Variants in LSM8 observed in about 807,000 individuals in gnomAD.
The protein encoded by LSM8 is LSM8 U6 small nuclear RNA associated.
LSM8 carries 14 observed loss-of-function variants against 15.0 expected under a neutral mutation model. That is an observed-to-expected ratio of 0.93 (90% CI 0.62 to 1.46). The LOEUF (loss-of-function observed/expected upper bound fraction) is 1.46, where lower values mean the gene tolerates loss of function less well. LSM8 is among the 40% of genes most tolerant of loss of function. LSM8 has a pLI of 0.00. For synonymous variants in LSM8, 50 were observed against 42.1 expected (o/e 1.19, Z -0.73); for missense variants, 90 against 115.4 (o/e 0.78, Z 1.01).
Position 118,184,976 on chromosome 7 carries a change from T to A in LSM8, c.32-678T>A, listed in dbSNP as rs147301899. ...TTTACTTTTGAATTACAGAAGCCTG[T>A]CCTGGAAGACAGTTTTTTAACATGC... is the stretch of plus-strand genomic sequence containing the variant. On this transcript the variant is annotated intron_variant, in intron 1 of 3. Coordinates refer to ENST00000249299, the MANE Select transcript of LSM8 (RefSeq NM_016200.5). 2.0e-5 allele frequency: 3 copies of A among 152,334 alleles called. No individual in the cohort carries two copies. In the East Asian group the frequency reaches 5.8e-4, roughly 29 times the overall value. The allele number at this position is 152,334 out of a possible 1,614,324, so 9.4% of individuals were successfully genotyped here.
Position 118,200,039 on chromosome 7 carries a change from C to G in LSM8, c.*8037C>G, listed in dbSNP as rs1026136775. 1.3e-5 allele frequency among the ~76,000 whole-genome samples: 2 copies of G among 152,038 alleles called. No homozygotes were observed. Among genetic ancestry groups the G allele is most frequent in the African/African-American group, 2.4e-5 (1 of 41,418 alleles). On this transcript the variant is annotated 3_prime_UTR_variant, in exon 4 of 4. Coordinates refer to ENST00000249299, the MANE Select transcript of LSM8 (RefSeq NM_016200.5). ...TTAGAGAACTAATGACTAGCCATAC[C>G]GAAGACATTTATCTGGAAATGCCTT...
In LSM8 at chr7:118,193,867, C is replaced by G. The variant is rs1809030810; in HGVS notation, c.*1865C>G. ...AAACAAATAAAAACCAGTCCTGTCC[C>G]TCATGATAATGGGTTTCTAATGTGA... On this transcript the variant is annotated 3_prime_UTR_variant, in exon 4 of 4. Coordinates refer to ENST00000249299, the MANE Select transcript of LSM8 (RefSeq NM_016200.5). Among the ~76,000 whole-genome samples, 1 of 152,080 alleles carries G rather than the reference C, an allele frequency of 6.6e-6. No homozygotes were observed. Among genetic ancestry groups the G allele is most frequent in the African/African-American group, 2.4e-5 (1 of 41,444 alleles).
rs1809157434 is a variant in LSM8 at position 118,200,631 on chromosome 7, ACAAG to A, written c.*8633_*8636del. On this transcript the variant is annotated 3_prime_UTR_variant, in exon 4 of 4. Transcript: ENST00000249299. ...ATTATTAATGATTCTTCCATAATAA[ACAAG>A]CAAACTGTCATACTTGTTGACTTAT... Among the ~76,000 whole-genome samples, 1 of 152,140 alleles carries A rather than the reference ACAAG, an allele frequency of 6.6e-6. No homozygotes were observed. Among genetic ancestry groups the A allele is most frequent in the African/African-American group, 2.4e-5 (1 of 41,444 alleles).
At chr7:118,185,919 CT>C (rs5886890) in intron 2 of LSM8, among the ~76,000 whole-genome samples, 1,814 of 152,274 alleles carry the variant, frequency 0.012, 21 homozygotes, top group African/African-American at 0.032. Context: ...AGATTCTGCC[CT>C]CAGAGAGCTC....
At position 118,192,679 on chromosome 7, in the gene LSM8, AC is replaced by A. The variant is rs1433759342; in HGVS notation, c.*678del. The A allele has an allele frequency of 1.3e-5, 2 of 152,150 alleles. No homozygotes were observed. The highest frequency in any genetic ancestry group is 4.8e-5 in the African/African-American group (2 of 41,450). 9.4% of individuals were successfully genotyped at this position (152,150 alleles called of 1,614,324 possible). A position where few individuals can be genotyped will look rare whatever the true frequency, so the allele number is the denominator to read the frequency against. Reference sequence around the variant, plus strand: ...TTGGTTAGGTATGAAAGTAATATGAACACATTAATGTTGAATTTTACAGACA... The same window carrying A: ...TTGGTTAGGTATGAAAGTAATATGAAACATTAATGTTGAATTTTACAGACA... On this transcript the variant is annotated 3_prime_UTR_variant, in exon 4 of 4. Transcript: ENST00000249299.
chr7:118,193,904 A>C lies in LSM8; in HGVS notation c.*1902A>C, dbSNP rs1000218936. 1.3e-5 allele frequency among the ~76,000 whole-genome samples: 2 copies of C among 152,126 alleles called. No homozygotes were observed. The highest frequency in any genetic ancestry group is 4.8e-5 in the African/African-American group (2 of 41,464). On this transcript the variant is annotated 3_prime_UTR_variant, in exon 4 of 4. Transcript: ENST00000249299. ...GGTTTCTAATGTGATGTATTCTTGCAATCTGAAACACCTTATAAAGCTGTA... is the reference window on the plus strand; with the variant it reads ...GGTTTCTAATGTGATGTATTCTTGCCATCTGAAACACCTTATAAAGCTGTA...
At chr7:118,184,827 G>T (rs1390814828) in intron 1 of LSM8, 2 of 152,210 alleles carry the variant, frequency 1.3e-5, no homozygotes, top group African/African-American at 4.8e-5. Context: ...AAGTGTTACC[G>T]TTTTAAAGTC....
At position 118,200,461 on chromosome 7, in the gene LSM8, A is replaced by G. The variant is rs905486967; in HGVS notation, c.*8459A>G. On this transcript the variant is annotated 3_prime_UTR_variant, in exon 4 of 4. Transcript: ENST00000249299. ...GACATCTTTCGGATCTGGAATCTTA[A>G]TTACCATTAGGTTGGAACTCTACCT... is the stretch of plus-strand genomic sequence containing the variant. 2.0e-5 allele frequency among the ~76,000 whole-genome samples: 3 copies of G among 152,110 alleles called. No homozygotes were observed. The highest frequency in any genetic ancestry group is 4.8e-5 in the African/African-American group (2 of 41,432).
rs1809045817 is a variant in LSM8 at position 118,194,592 on chromosome 7, ATATAAG to A, written c.*2594_*2599del. ...GGAATTTTTAAGGTAATAATGTGAG[ATATAAG>A]TATGATAAAAACAACTTTTAAATGG... On this transcript the variant is annotated 3_prime_UTR_variant, in exon 4 of 4. Transcript: ENST00000249299. 6.6e-6 allele frequency among the ~76,000 whole-genome samples: 1 copy of A among 152,186 alleles called. No individual in the cohort carries two copies. Among genetic ancestry groups the A allele is most frequent in the Non-Finnish European group, 1.5e-5 (1 of 68,028 alleles).
Position 118,199,305 on chromosome 7 carries a change from C to T in LSM8, c.*7303C>T, listed in dbSNP as rs779667406. On this transcript the variant is annotated 3_prime_UTR_variant, in exon 4 of 4. Coordinates refer to ENST00000249299, the MANE Select transcript of LSM8 (RefSeq NM_016200.5). ...AGAAGGGAAGAGATGGCCTTCAATA[C>T]TAGTGCAAAGTTAATACTTTATTCT... Among the ~76,000 whole-genome samples, 5 of 152,070 alleles carry T rather than the reference C, an allele frequency of 3.3e-5. No homozygotes were observed. Among genetic ancestry groups the T allele is most frequent in the Non-Finnish European group, 5.9e-5 (4 of 68,024 alleles).
Position 118,185,689 on chromosome 7 carries a change from ATT to A in LSM8, c.68_69del (p.Ile23SerfsTer8). ...CGTTATTACATCAGATGGGAGAATG[ATT>A]GTGGTAAGTCTTTGGAATTTTCATT... is the stretch of plus-strand genomic sequence containing the variant. ...VAVITSDGRM[I>X]VGTLKGFDQT... On this transcript the variant is annotated frameshift_variant, in exon 2 of 4. Coordinates refer to ENST00000249299, the MANE Select transcript of LSM8 (RefSeq NM_016200.5). LOFTEE classifies it high-confidence loss of function. 2 of 1,610,412 alleles carry A rather than the reference ATT, an allele frequency of 1.2e-6. No homozygotes were observed. The highest frequency in any genetic ancestry group is 1.7e-6 in the Non-Finnish European group (2 of 1,177,220).
Position 118,199,755 on chromosome 7 carries a change from G to A in LSM8, c.*7753G>A, listed in dbSNP as rs1221404359. Among the ~76,000 whole-genome samples, 1 of 152,050 alleles carries A rather than the reference G, an allele frequency of 6.6e-6. No individual in the cohort carries two copies. The highest frequency in any genetic ancestry group is 2.4e-5 in the African/African-American group (1 of 41,422). ...CAGGCTTTGAGAAATTCAAGTGTAGGGTAAGGCCACCTCCCCAGCAAGTAA... is the reference window on the plus strand; with the variant it reads ...CAGGCTTTGAGAAATTCAAGTGTAGAGTAAGGCCACCTCCCCAGCAAGTAA... On this transcript the variant is annotated 3_prime_UTR_variant, in exon 4 of 4. Transcript: ENST00000249299.
intron 3 of LSM8, chr7:118,191,094 A>G (rs1346146925): frequency 6.6e-6 from 1 of 151,428 alleles, no homozygotes; most frequent in Non-Finnish European, 1.5e-5. Context: ...AACAAGAGCG[A>G]AACTCTATCT....
rs540874570 is a variant in LSM8 at position 118,195,560 on chromosome 7, A to G, written c.*3558A>G. 3.2e-4 allele frequency among the ~76,000 whole-genome samples: 49 copies of G among 152,348 alleles called. No homozygotes were observed. Among genetic ancestry groups the G allele is most frequent in the African/African-American group, 1.2e-3 (49 of 41,580 alleles). On this transcript the variant is annotated 3_prime_UTR_variant, in exon 4 of 4. Transcript: ENST00000249299. ...ATGTGGGAAGTACGTGTAAGTTTAC[A>G]GTATTAAGAAATGTACAATAAAATT...
At position 118,201,958 on chromosome 7, in the gene LSM8, A is replaced by T. The variant is rs1809179098; in HGVS notation, c.*9956A>T. 6.6e-6 allele frequency among the ~76,000 whole-genome samples: 1 copy of T among 152,100 alleles called. No individual in the cohort carries two copies. Among genetic ancestry groups the T allele is most frequent in the Non-Finnish European group, 1.5e-5 (1 of 67,996 alleles). On this transcript the variant is annotated 3_prime_UTR_variant, in exon 4 of 4. Transcript: ENST00000249299. ...CAAATGCCCTGTGAATCTGCATGGC[A>T]TAAATCAAGTCTCTAGATCCTGATC...
chr7:118,191,928 A>T lies in LSM8; in HGVS notation c.217A>T (p.Ile73Phe). ...RGDNVAVIGE[I>F]DEETDSALDL... The stretch of plus-strand genomic sequence containing the variant: ...CTTTTTTAGTGCAGTCATTGGAGAA[A>T]TCGATGAAGAAACAGATTCTGCGCT... Residue 73 changes from isoleucine to phenylalanine, a missense_variant, in exon 4 of 4, where the codon ATC becomes TTC. Coordinates refer to ENST00000249299, the MANE Select transcript of LSM8 (RefSeq NM_016200.5). 1 of 1,612,444 alleles carries T rather than the reference A, an allele frequency of 6.2e-7. No homozygotes were observed. Among genetic ancestry groups the T allele is most frequent in the Non-Finnish European group, 8.5e-7 (1 of 1,178,948 alleles).
intron 1 of LSM8, chr7:118,185,350 C>G (rs1305584120): frequency 3.9e-6 from 1 of 254,024 alleles, no homozygotes; most frequent in Non-Finnish European, 7.5e-6. Context: ...ACCTTGAACT[C>G]CTGAGCCCAA....
intron 3 of LSM8, chr7:118,190,191 G>A (rs1182460605): frequency 1.3e-5 from 2 of 152,114 alleles, no homozygotes; most frequent in African/African-American, 4.8e-5. Flanking sequence ...AATTTGATCT[G>A]TAATCAAAAA....
At chr7:118,185,557 T>A in intron 1 of LSM8, 97 bp from the exon 2 acceptor site, 2 of 1,088,364 alleles carry the variant, frequency 1.8e-6, no homozygotes, top group South Asian at 2.7e-5. Flanking sequence ...TTATACCTAG[T>A]TGTCATATTT....
Sources: gnomAD v4.1 joint callset for allele counts (sites outside exome capture counted in the v4.1 genomes callset) on GRCh38, gnomAD v4.1.1 for gene constraint, MANE v1.5 for transcripts, NCBI Gene and HGNC (gene_info 2026-07-23, HGNC 2026-07-21) for gene names.